NALCN: variants seen among roughly 807,000 people sequenced by gnomAD.
NALCN encodes the protein sodium leak channel, non-selective, also known as sodium leak channel NALCN.
NALCN carries 111 observed loss-of-function variants against 225.3 expected under a neutral mutation model. That is an observed-to-expected ratio of 0.49 (90% CI 0.42 to 0.58). The LOEUF (loss-of-function observed/expected upper bound fraction) is 0.58, where lower values mean the gene tolerates loss of function less well. Among genes scored for constraint, NALCN ranks in the 20% least tolerant of loss-of-function variants. NALCN has a pLI of 0.00. For synonymous variants in NALCN, 764 were observed against 769.0 expected (o/e 0.99, Z 0.11); for missense variants, 1,378 against 2,202.4 (o/e 0.63, Z 7.49).
chr13:101,142,772 G>T (rs1038621597), intron 17 of NALCN: 4 of 374,310 alleles, frequency 1.1e-5, no homozygotes, highest in Admixed American at 3.8e-5. Flanking sequence ...ATTACACCTG[G>T]ACTGAGCCTT....
In NALCN at chr13:101,103,295, A is replaced by C. The variant is rs2034924266; in HGVS notation, c.2934T>G (p.Ala978=). 3.7e-6 allele frequency: 6 copies of C among 1,613,890 alleles called. No homozygotes were observed. Among genetic ancestry groups the C allele is most frequent in the South Asian group, 1.1e-5 (1 of 91,052 alleles). ...FLCWMPQNVP[A]ESGAQLLMVL... is the part of the protein sequence containing the mutation. ...CCATTAGAAGCTGAGCTCCCGATTCAGCAGGTACATTTTGAGGCATCCAAC... is the reference window on the plus strand; with the variant it reads ...CCATTAGAAGCTGAGCTCCCGATTCCGCAGGTACATTTTGAGGCATCCAAC... Residue 978 remains alanine, a synonymous_variant, in exon 26 of 44, where the codon GCT becomes GCG. Coordinates refer to ENST00000251127, the MANE Select transcript of NALCN (RefSeq NM_052867.4).
chr13:101,413,058 C>T (rs891784986), intron 1 of NALCN, among the ~76,000 whole-genome samples: 2 of 152,140 alleles, frequency 1.3e-5, no homozygotes, highest in Non-Finnish European at 2.9e-5. Context: ...ATGTTACCTT[C>T]TTTTATTTCT....
At chr13:101,273,221 C>T (rs576483162) in intron 10 of NALCN, among the ~76,000 whole-genome samples, 2 of 152,300 alleles carry the variant, frequency 1.3e-5, no homozygotes, top group East Asian at 1.9e-4. Context: ...TGAGCAGCAG[C>T]GGGAAAACGG....
chr13:101,109,603 T>C (rs1171976359), intron 20 of NALCN, among the ~76,000 whole-genome samples: 1 of 152,246 alleles, frequency 6.6e-6, no homozygotes, highest in African/African-American at 2.4e-5. Context: ...GCTCTGAACA[T>C]TCAAGATTAC....
rs1324597726 is a variant in NALCN, at chr13:101,242,800, CACTG to C, written c.1267-4882_1267-4879del. 2.8e-5 allele frequency among the ~76,000 whole-genome samples: 3 copies of C among 106,168 alleles called. 1 individual carries two copies. Among genetic ancestry groups the C allele is most frequent in the African/African-American group, 1.0e-4 (3 of 29,720 alleles). The allele number at this position is 106,168 out of a possible 152,430, so 69.7% of individuals were successfully genotyped here. A position where few individuals can be genotyped will look rare whatever the true frequency, so the allele number is the denominator to read the frequency against. On this transcript the variant is annotated intron_variant, in intron 11 of 43. Transcript: ENST00000251127. ...TTTTGTATATAAAATGCATTTTTAA[CACTG>C]ACAGATGAACATGTTGTCTGTGTTC...
chr13:101,311,307 C>A (rs1165353915), intron 7 of NALCN, among the ~76,000 whole-genome samples: 1 of 151,890 alleles, frequency 6.6e-6, no homozygotes, highest in Non-Finnish European at 1.5e-5. Context: ...CATCTGCAAA[C>A]AGGGACAATT....
intron 2 of NALCN, among the ~76,000 whole-genome samples, chr13:101,397,642 G>A (rs1218505914): frequency 6.6e-6 from 1 of 150,952 alleles, no homozygotes; most frequent in African/African-American, 2.4e-5. Flanking sequence ...TTATATGTAT[G>A]TGTATATAAC....
chr13:101,341,637 T>C (rs2045562263), intron 7 of NALCN, among the ~76,000 whole-genome samples: 1 of 152,252 alleles, frequency 6.6e-6, no homozygotes, highest in Non-Finnish European at 1.5e-5. Flanking sequence ...TACATTTTTA[T>C]AGATGTGGTC....
At chr13:101,319,997 A>G (rs1440286953) in intron 7 of NALCN, among the ~76,000 whole-genome samples, 2 of 152,138 alleles carry the variant, frequency 1.3e-5, no homozygotes, top group South Asian at 2.1e-4. Flanking sequence ...TATGTTTCCC[A>G]TGATAGTTAA....
chr13:101,348,806 A>G (rs1156803746), intron 6 of NALCN, among the ~76,000 whole-genome samples: 4 of 152,170 alleles, frequency 2.6e-5, no homozygotes, highest in Admixed American at 1.3e-4. Context: ...TTAGAAACAC[A>G]TTTATTAGAA....
intron 9 of NALCN, among the ~76,000 whole-genome samples, chr13:101,288,036 T>G (rs917813900): frequency 1.3e-5 from 2 of 152,162 alleles, no homozygotes; most frequent in African/African-American, 4.8e-5. Flanking sequence ...TCTTTGAAAA[T>G]TTATGGTTTT....
chr13:101,368,070 G>A lies in NALCN; in HGVS notation c.644+8630C>T, dbSNP rs184491622. On this transcript the variant is annotated intron_variant, in intron 6 of 43. Coordinates refer to ENST00000251127, the MANE Select transcript of NALCN (RefSeq NM_052867.4). ...CACAATGTGCAGGTTAGTTACATATGTATACATGTGCCATGCTGGTGTGCT... is the reference window on the plus strand; with the variant it reads ...CACAATGTGCAGGTTAGTTACATATATATACATGTGCCATGCTGGTGTGCT... 3.4e-3 allele frequency among the ~76,000 whole-genome samples: 515 copies of A among 151,374 alleles called. 2 individuals carry two copies. Among genetic ancestry groups the A allele is most frequent in the African/African-American group, 0.012 (484 of 41,200 alleles).
chr13:101,342,203 A>G (rs1307704578), intron 7 of NALCN, among the ~76,000 whole-genome samples: 2 of 152,202 alleles, frequency 1.3e-5, no homozygotes, highest in Admixed American at 1.3e-4. Context: ...CTGCATGCAC[A>G]TAAATTAATC....
intron 18 of NALCN, among the ~76,000 whole-genome samples, chr13:101,113,445 G>A (rs1467792783): frequency 6.6e-6 from 1 of 152,190 alleles, no homozygotes; most frequent in Admixed American, 6.5e-5. Context: ...GGTCATGTAA[G>A]AAATTTTGCT....
chr13:101,303,839 A>C (rs977531673), intron 7 of NALCN, among the ~76,000 whole-genome samples: 6 of 152,204 alleles, frequency 3.9e-5, no homozygotes, highest in African/African-American at 1.4e-4. Flanking sequence ...TCAAGAGAGC[A>C]ATCAGACATT....
At chr13:101,217,889 T>C (rs1210844953) in intron 13 of NALCN, among the ~76,000 whole-genome samples, 2 of 152,146 alleles carry the variant, frequency 1.3e-5, no homozygotes, top group Non-Finnish European at 2.9e-5. Context: ...AAACACCAGC[T>C]TTCTTTCTAC....
chr13:101,184,553 A>G (rs1353160237), intron 14 of NALCN, among the ~76,000 whole-genome samples: 2 of 152,220 alleles, frequency 1.3e-5, no homozygotes. Context: ...ACTACAATAA[A>G]TTTCAGTCAA....
intron 30 of NALCN, among the ~76,000 whole-genome samples, chr13:101,088,861 A>G (rs2034064635): frequency 1.3e-5 from 2 of 152,074 alleles, no homozygotes; most frequent in African/African-American, 4.8e-5. Context: ...CGAGTTCACA[A>G]AGTATGTCAA....
intron 10 of NALCN, among the ~76,000 whole-genome samples, chr13:101,276,062 C>CAA (rs59471123): frequency 0.02 from 1,709 of 84,094 alleles, 178 homozygotes; most frequent in East Asian, 0.053. Context: ...GACTCCTTCT[C>CAA]AAAAAAAAAA....
Sources: gnomAD v4.1 joint callset for allele counts (sites outside exome capture counted in the v4.1 genomes callset) on GRCh38, gnomAD v4.1.1 for gene constraint, MANE v1.5 for transcripts, NCBI Gene and HGNC (gene_info 2026-07-23, HGNC 2026-07-21) for gene names.